EYA2: variants seen among roughly 807,000 people sequenced by gnomAD.
EYA2 encodes the protein protein phosphatase EYA2.
A neutral mutation model predicts 69.2 loss-of-function variants in EYA2; 31 were observed. The ratio of observed to expected loss-of-function variants is 0.45; its 90% CI spans 0.34 to 0.60. The LOEUF is 0.60. Among genes scored for constraint, EYA2 ranks in the 20% least tolerant of loss-of-function variants. EYA2 has a pLI of 0.02. For synonymous variants in EYA2, 257 were observed against 279.4 expected (o/e 0.92, Z 0.80); for missense variants, 622 against 701.2 (o/e 0.89, Z 1.28).
chr20:47,024,536 A>G (rs559451741), intron 5 of EYA2, among the ~76,000 whole-genome samples: 1 of 152,322 alleles, frequency 6.6e-6, no homozygotes, highest in East Asian at 1.9e-4. Flanking sequence ...TGGCCACTCA[A>G]GGGGAACTGT....
intron 5 of EYA2, among the ~76,000 whole-genome samples, chr20:47,050,180 A>T (rs531065445): frequency 6.6e-6 from 1 of 152,330 alleles, no homozygotes; most frequent in African/African-American, 2.4e-5. Context: ...AGAAATCTGC[A>T]TGGTTCTCAG....
At chr20:46,972,036 G>T (rs1361042054) in intron 1 of EYA2, among the ~76,000 whole-genome samples, 1 of 152,222 alleles carries the variant, frequency 6.6e-6, no homozygotes, top group Non-Finnish European at 1.5e-5. Context: ...ACAATCATGG[G>T]ATAGGAAGCA....
chr20:47,030,992 C>T (rs115776741), intron 5 of EYA2, among the ~76,000 whole-genome samples: 1,485 of 125,496 alleles, frequency 0.012, 18 homozygotes, highest in African/African-American at 0.035. Context: ...CTCTGGAGGC[C>T]CTGTTTCCAA....
intron 4 of EYA2, among the ~76,000 whole-genome samples, chr20:47,006,695 G>A (rs146472129): frequency 6.6e-6 from 1 of 152,248 alleles, no homozygotes; most frequent in Non-Finnish European, 1.5e-5. Flanking sequence ...AAAGCAGAGC[G>A]GGCCCTGTCT....
chr20:47,097,107 A>G lies in EYA2; in HGVS notation c.827A>G (p.Asp276Gly). The change falls in exon 9 of 16, where the codon GAT (aspartate) becomes GGT (glycine). Residue 276 changes from aspartate to glycine, a missense_variant. Physicochemically the swap from Asp to Gly is moderately conservative, Grantham distance 94. This residue lies in a region of EYA2 where 257 missense variants were observed against 351.5 expected (regional missense o/e 0.73). Transcript: ENST00000327619. The stretch of plus-strand genomic sequence containing the variant: ...CAGCGTGTGTTCGTGTGGGACTTGG[A>G]TGAGACAATAATTATTTTTCACTCC... ...EIERVFVWDL[D>G]ETIIIFHSLL... The G allele has an allele frequency of 6.2e-7, 1 of 1,610,492 alleles. No individual in the cohort carries two copies. The highest frequency in any genetic ancestry group is 8.5e-7 in the Non-Finnish European group (1 of 1,178,750).
At chr20:47,005,978 A>C (rs746229714) in intron 4 of EYA2, among the ~76,000 whole-genome samples, 10 of 152,232 alleles carry the variant, frequency 6.6e-5, no homozygotes, top group Non-Finnish European at 1.5e-4. Flanking sequence ...ATGTAGCTGG[A>C]AAAACCTAGG....
chr20:47,161,564 C>G (rs1449390942), intron 10 of EYA2: 2 of 349,752 alleles, frequency 5.7e-6, no homozygotes, highest in Non-Finnish European at 5.5e-6. Context: ...TGTCCTTGGT[C>G]TTGCCTCTGT....
intron 8 of EYA2, among the ~76,000 whole-genome samples, chr20:47,094,466 A>G (rs2032186915): frequency 6.6e-6 from 1 of 152,242 alleles, no homozygotes; most frequent in South Asian, 2.1e-4. Context: ...AGCCTTACTA[A>G]TTGCTTCAGA....
chr20:47,138,595 A>T (rs1298188512), intron 9 of EYA2, among the ~76,000 whole-genome samples: 3 of 152,068 alleles, frequency 2.0e-5, no homozygotes. Context: ...TACAAAAAAA[A>T]ATACAAAAAA....
chr20:47,111,960 T>C (rs2032756651), intron 9 of EYA2, among the ~76,000 whole-genome samples: 1 of 151,560 alleles, frequency 6.6e-6, no homozygotes. Flanking sequence ...CAAAATCCCA[T>C]CTGTACAAAA....
At chr20:47,187,253 C>T (rs371211795) in intron 15 of EYA2, among the ~76,000 whole-genome samples, 1 of 151,624 alleles carries the variant, frequency 6.6e-6, no homozygotes, top group East Asian at 1.9e-4. Context: ...TCTGTTGTCC[C>T]AGCTACCCGG....
intron 9 of EYA2, among the ~76,000 whole-genome samples, chr20:47,104,131 TAGTA>T (rs1445305363): frequency 1.3e-5 from 2 of 152,208 alleles, no homozygotes; most frequent in Non-Finnish European, 2.9e-5. Context: ...GCTATAGTCC[TAGTA>T]AGTATGAAGT....
At chr20:46,986,175 C>T (rs1184667476) in intron 1 of EYA2, among the ~76,000 whole-genome samples, 4 of 151,532 alleles carry the variant, frequency 2.6e-5, no homozygotes, top group Admixed American at 2.6e-4. Context: ...TCCTGGAGTG[C>T]CTGTGGCATT....
intron 5 of EYA2, among the ~76,000 whole-genome samples, chr20:47,024,398 C>T (rs868338203): frequency 6.6e-6 from 1 of 152,292 alleles, no homozygotes; most frequent in Middle Eastern, 3.4e-3. Flanking sequence ...GCAATTCTGG[C>T]AGGTGGGAAC....
intron 7 of EYA2, among the ~76,000 whole-genome samples, chr20:47,079,409 G>T (rs2031637010): frequency 6.6e-6 from 1 of 152,166 alleles, no homozygotes. Flanking sequence ...TACCTGCAGA[G>T]GCCACCTGCC....
intron 2 of EYA2, among the ~76,000 whole-genome samples, chr20:46,995,694 G>C (rs1218152122): frequency 6.6e-6 from 1 of 152,200 alleles, no homozygotes; most frequent in Non-Finnish European, 1.5e-5. Context: ...CCGGCCCCTG[G>C]GGTCCAATTA....
At chr20:47,069,379 C>T (rs1010612223) in intron 5 of EYA2, among the ~76,000 whole-genome samples, 3 of 152,056 alleles carry the variant, frequency 2.0e-5, no homozygotes, top group African/African-American at 7.2e-5. Context: ...CCTGTAATCC[C>T]TTGGGAGGCT....
intron 7 of EYA2, among the ~76,000 whole-genome samples, chr20:47,076,807 C>A (rs1043078224): frequency 1.3e-5 from 2 of 152,188 alleles, no homozygotes; most frequent in African/African-American, 4.8e-5. Context: ...CGTTCTCAGG[C>A]AAGCTCCTCC....
chr20:47,037,195 C>T (rs1984769721), intron 5 of EYA2, among the ~76,000 whole-genome samples: 1 of 152,124 alleles, frequency 6.6e-6, no homozygotes, highest in Admixed American at 6.5e-5. Context: ...GGAAACCACC[C>T]CCATGGCTCA....
Sources: allele counts gnomAD v4.1 joint callset (sites outside exome capture counted in the v4.1 genomes callset), GRCh38; gene constraint gnomAD v4.1.1; regional missense constraint gnomAD v4.1.1; transcripts MANE v1.5; gene names NCBI Gene and HGNC (gene_info 2026-07-23, HGNC 2026-07-21).